Variants in PEBP4 observed in about 807,000 individuals in gnomAD.
The protein encoded by PEBP4 is phosphatidylethanolamine binding protein 4, also known as phosphatidylethanolamine-binding protein 4.
In PEBP4, 22 loss-of-function variants were observed where a neutral mutation model predicts 23.9. The observed-to-expected ratio is 0.92, with a 90% CI of 0.66 to 1.31. The LOEUF (loss-of-function observed/expected upper bound fraction) is 1.31. Among genes scored for constraint, PEBP4 ranks in the 40% most tolerant of loss-of-function variants. PEBP4 has a pLI of 0.00. For missense variants in PEBP4, 324 were observed against 281.7 expected (o/e 1.15, Z -1.07); for synonymous variants, 112 against 99.3 (o/e 1.13, Z -0.76).
chr8:22,890,901 C>G (rs1322026263), intron 3 of PEBP4, among the ~76,000 whole-genome samples: 1 of 152,196 alleles, frequency 6.6e-6, no homozygotes, highest in African/African-American at 2.4e-5. Context: ...AATCTCAGCT[C>G]ACTGCAACTT....
intron 3 of PEBP4, among the ~76,000 whole-genome samples, chr8:22,899,021 A>T (rs1808654714): frequency 6.6e-6 from 1 of 152,234 alleles, no homozygotes; most frequent in South Asian, 2.1e-4. Flanking sequence ...TGTCCCAGAC[A>T]GGCGGTACAG....
chr8:22,713,442 TGGTG>T lies in PEBP4; in HGVS notation c.608_611del (p.Ser203Ter). 6.2e-7 allele frequency: 1 copy of T among 1,613,800 alleles called. No individual in the cohort carries two copies. The highest frequency in any genetic ancestry group is 1.3e-5 in the African/African-American group (1 of 75,020). ...CCCTTTCTCTGGGAGCCTGGAGGGT[TGGTG>T]AGTCCTGGTAGTTCTGGGTCATGAA... On this transcript the variant is annotated frameshift_variant, in exon 7 of 7. Transcript: ENST00000256404. LOFTEE classifies it low-confidence loss of function (END_TRUNC).
intron 4 of PEBP4, among the ~76,000 whole-genome samples, chr8:22,789,351 G>T (rs1030862713): frequency 5.3e-5 from 8 of 152,062 alleles, no homozygotes; most frequent in African/African-American, 1.9e-4. Context: ...TTTTTGAGAC[G>T]AAGAAATTCA....
intron 4 of PEBP4, among the ~76,000 whole-genome samples, chr8:22,781,317 G>A (rs1331385222): frequency 6.6e-6 from 1 of 152,140 alleles, no homozygotes; most frequent in African/African-American, 2.4e-5. Flanking sequence ...GAAGGGGCTG[G>A]TGGAAACTCC....
intron 1 of PEBP4, among the ~76,000 whole-genome samples, chr8:22,933,403 G>T (rs568949804): frequency 6.6e-6 from 1 of 152,214 alleles, no homozygotes; most frequent in East Asian, 1.9e-4. Flanking sequence ...AAGACAAAGA[G>T]AGAATTTTGA....
At chr8:22,727,023 C>A (rs1804633418) in intron 5 of PEBP4, 152 bp downstream of exon 5, 1 of 786,086 alleles carries the variant, frequency 1.3e-6, no homozygotes, top group Admixed American at 2.1e-5. Context: ...TGGCAGTGAC[C>A]ATAAAAGGCA....
chr8:22,727,316 GAT>G (rs1804638896), intron 4 of PEBP4, 96 bp from the exon 5 acceptor site: 1 of 1,166,256 alleles, frequency 8.6e-7, no homozygotes, highest in African/African-American at 1.9e-5. Flanking sequence ...GCAGGAGGAG[GAT>G]GGGAGAGGAA....
intron 3 of PEBP4, among the ~76,000 whole-genome samples, chr8:22,820,773 G>A (rs796270655): frequency 3.9e-5 from 6 of 152,214 alleles, no homozygotes; most frequent in African/African-American, 1.4e-4. Flanking sequence ...AAGAAATAGT[G>A]GGTGACAAAG....
intron 3 of PEBP4, among the ~76,000 whole-genome samples, chr8:22,883,027 C>A (rs1352951282): frequency 6.6e-6 from 1 of 152,178 alleles, no homozygotes; most frequent in Non-Finnish European, 1.5e-5. Flanking sequence ...GCGAGACATA[C>A]CCCCTGCCTC....
At position 22,807,652 on chromosome 8, in the gene PEBP4, G is replaced by A. The variant is rs547630238; in HGVS notation, c.357+9985C>T. On this transcript the variant is annotated intron_variant, in intron 4 of 6. Transcript: ENST00000256404. The stretch of plus-strand genomic sequence containing the variant: ...ATTCAAATGTTGAGCTTTTAATTAC[G>A]CTGTTCCTTTCCTGAAATGCAATTG... 9.9e-5 allele frequency among the ~76,000 whole-genome samples: 15 copies of A among 151,842 alleles called. No homozygotes were observed. The South Asian group carries it at 1.0e-3, about 11-fold the overall frequency.
upstream of PEBP4, among the ~76,000 whole-genome samples, chr8:22,931,042 T>C (rs1809448382): frequency 6.6e-6 from 1 of 152,120 alleles, no homozygotes; most frequent in Non-Finnish European, 1.5e-5. Flanking sequence ...TTCACTCCCT[T>C]CTTATCCCTC....
intron 4 of PEBP4, among the ~76,000 whole-genome samples, chr8:22,737,821 G>A (rs189690682): frequency 7.4e-4 from 113 of 152,356 alleles, no homozygotes; most frequent in African/African-American, 2.5e-3. Flanking sequence ...TCTTCACAGA[G>A]CTGTTGTGAA....
intron 3 of PEBP4, among the ~76,000 whole-genome samples, chr8:22,896,696 A>G (rs1256251181): frequency 6.6e-6 from 1 of 152,180 alleles, no homozygotes; most frequent in Non-Finnish European, 1.5e-5. Context: ...TAGAAACAGC[A>G]TTACACAGAG....
intron 3 of PEBP4, among the ~76,000 whole-genome samples, chr8:22,869,855 A>C (rs1270346767): frequency 1.3e-5 from 2 of 152,262 alleles, no homozygotes; most frequent in Non-Finnish European, 2.9e-5. Flanking sequence ...CAACAATGAC[A>C]TACCACTATA....
intron 3 of PEBP4, among the ~76,000 whole-genome samples, chr8:22,821,550 T>C (rs1806856733): frequency 6.6e-6 from 1 of 152,106 alleles, no homozygotes; most frequent in Non-Finnish European, 1.5e-5. Context: ...AGATGCCCTG[T>C]AAATGAAGTT....
chr8:22,728,575 C>T (rs377192894), intron 4 of PEBP4, among the ~76,000 whole-genome samples: 13,281 of 122,382 alleles, frequency 0.11, 837 homozygotes, highest in Non-Finnish European at 0.13. Context: ...TTCCTTCCTT[C>T]CTTCCTTCCT....
intron 4 of PEBP4, among the ~76,000 whole-genome samples, chr8:22,795,496 AAGAAGTG>A (rs1806234668): frequency 6.6e-6 from 1 of 152,090 alleles, no homozygotes. Flanking sequence ...TTTTTATAAC[AAGAAGTG>A]CAAGTGTTCT....
intron 4 of PEBP4, among the ~76,000 whole-genome samples, chr8:22,803,051 C>T (rs1806421832): frequency 6.6e-6 from 1 of 152,174 alleles, no homozygotes; most frequent in African/African-American, 2.4e-5. Context: ...GCAGAGCAGA[C>T]CCCTCATGGC....
intron 2 of PEBP4, among the ~76,000 whole-genome samples, chr8:22,922,514 C>A (rs921149744): frequency 1.5e-5 from 2 of 135,726 alleles, no homozygotes; most frequent in South Asian, 2.4e-4. Context: ...CACTTGAGCC[C>A]AGGAATCTGA....
Sources: allele counts gnomAD v4.1 joint callset (sites outside exome capture counted in the v4.1 genomes callset), GRCh38; gene constraint gnomAD v4.1.1; transcripts MANE v1.5; gene names NCBI Gene and HGNC (gene_info 2026-07-23, HGNC 2026-07-21).